The following PIEZO1 variants were observed in gnomAD, a reference collection of about 807,000 sequenced individuals.
The protein encoded by PIEZO1 is piezo-type mechanosensitive ion channel component 1.
Under a neutral mutation model 297.2 loss-of-function variants are expected in PIEZO1, and 296 were observed. That is an observed-to-expected ratio of 1.00 (90% confidence interval 0.91 to 1.10). The LOEUF is 1.10. PIEZO1 is among the 50% of genes least tolerant of loss of function. The pLI, the probability that PIEZO1 is intolerant of heterozygous loss-of-function variation, is 0.00. For synonymous variants in PIEZO1, 2,427 were observed against 1,507.5 expected (o/e 1.61, Z -14.13); for missense variants, 5,018 against 3,455.5 (o/e 1.45, Z -11.34).
chr16:88,743,610 T>C (rs1175505883), intron 2 of PIEZO1: 1 of 456,486 alleles, frequency 2.2e-6, no homozygotes, highest in East Asian at 6.9e-5. Context: ...GCACAAATGG[T>C]GTTAGGTGAC....
At chr16:88,737,035 C>G (rs1905266805) in intron 10 of PIEZO1, 1 of 326,292 alleles carries the variant, frequency 3.1e-6, no homozygotes, top group African/African-American at 2.2e-5. Context: ...ACCCCCACCC[C>G]AGGGCCGTGG....
rs1440661489 is a variant in PIEZO1, at chr16:88,725,519, C to T, written c.4059G>A (p.Gln1353=). The change falls in exon 29 of 51, where the codon CAG becomes CAA. Residue 1353 remains glutamine, a splice_region_variant and synonymous_variant. Transcript: ENST00000301015. ...EEKSLAQLKR[Q]MERIRAKQEK... The stretch of plus-strand genomic sequence containing the variant: ...CCTGCTTGGCACGGATACGCTCCAT[C>T]CTGTGGTGGGGAAAGGTGGGGTATG... 1.3e-6 allele frequency: 2 copies of T among 1,537,958 alleles called. No individual in the cohort carries two copies. Among genetic ancestry groups the T allele is most frequent in the African/African-American group, 1.4e-5 (1 of 72,770 alleles).
Position 88,726,403 on chromosome 16 carries a change from A to C in PIEZO1, c.3849T>G (p.Ala1283=), listed in dbSNP as rs774514886. 3.2e-6 allele frequency: 5 copies of C among 1,550,366 alleles called. No homozygotes were observed. Residue 1283 remains alanine, a synonymous_variant, in exon 27 of 51, where the codon GCT becomes GCG. Transcript: ENST00000301015. ...DQDCLLPVEE[A]GIIWDSVCFF... The stretch of plus-strand genomic sequence containing the variant: ...AGCAGACGCTGTCCCAGATGATGCC[A>C]GCCTCCTCCACAGGCAGCAGGCAGT...
chr16:88,772,947 A>T (rs1907491394), intron 1 of PIEZO1, among the ~76,000 whole-genome samples: 1 of 152,138 alleles, frequency 6.6e-6, no homozygotes, highest in Admixed American at 6.5e-5. Flanking sequence ...CACCCACGGG[A>T]CACGTGAGTG....
At chr16:88,718,798 C>T (rs79311053) in intron 44 of PIEZO1, 15,145 of 153,028 alleles carry the variant, frequency 0.099, 925 homozygotes, top group Non-Finnish European at 0.14. Context: ...GCCCTGTACT[C>T]CTGGCCTCAA....
chr16:88,771,543 G>A (rs1486091840), intron 1 of PIEZO1, among the ~76,000 whole-genome samples: 7 of 152,194 alleles, frequency 4.6e-5, no homozygotes, highest in Non-Finnish European at 1.0e-4. Context: ...GGCCACACAC[G>A]CCCAAGCCTG....
At position 88,716,394 on chromosome 16, in the gene PIEZO1, G is replaced by C; in HGVS notation, c.7016C>G (p.Ala2339Gly). Residue 2339 changes from alanine (A) to glycine (G), a missense_variant, in exon 48 of 51, where the codon GCC becomes GGC. Physicochemically the swap from Ala to Gly is moderately conservative, Grantham distance 60 (BLOSUM62 0). Coordinates refer to ENST00000301015, the MANE Select transcript of PIEZO1 (RefSeq NM_001142864.4). The part of the protein sequence containing the change: ...APNSTARRQL[A>G]SLLEGTSDQS... ...GTCCGAGGTGCCCTCGAGCAGGCTGGCCAGCTGCCGCCGTGCAGTGCTGTT... is the reference window on the plus strand; with the variant it reads ...GTCCGAGGTGCCCTCGAGCAGGCTGCCCAGCTGCCGCCGTGCAGTGCTGTT... 4.5e-6 allele frequency: 7 copies of C among 1,548,022 alleles called. No individual in the cohort carries two copies. Among genetic ancestry groups the C allele is most frequent in the Non-Finnish European group, 6.1e-6 (7 of 1,145,582 alleles).
In PIEZO1 at chr16:88,742,014, G is replaced by T. The variant is rs149605668; in HGVS notation, c.326+39C>A. ...ACTTCCTGGGGCCTGAAATCCCCAAGGGAGGCTTGCTGGTTGGGGGTGGGA... is the reference window on the plus strand; with the variant it reads ...ACTTCCTGGGGCCTGAAATCCCCAATGGAGGCTTGCTGGTTGGGGGTGGGA... On this transcript the variant is annotated intron_variant, in intron 4 of 50. Transcript: ENST00000301015. The T allele has an allele frequency of 5.9e-4, 897 of 1,533,010 alleles. 5 individuals are homozygous for T. The African/African-American group carries it at 8.7e-3, about 15-fold the overall frequency. 95.0% of individuals were successfully genotyped at this position (1,533,010 alleles called of 1,614,324 possible). A position where few individuals can be genotyped will look rare whatever the true frequency, so the allele number is the denominator to read the frequency against.
chr16:88,732,829 C>T (rs2142810957), intron 19 of PIEZO1, 97 bp from the exon 20 acceptor site: 2 of 1,273,496 alleles, frequency 1.6e-6, no homozygotes, highest in East Asian at 2.6e-5. Flanking sequence ...GGCAGGTCCA[C>T]TGCTCCCCAG....
chr16:88,744,595 G>A lies in PIEZO1; in HGVS notation c.161-2173C>T, dbSNP rs566527585. Among the ~76,000 whole-genome samples, 8 of 150,882 alleles carry A rather than the reference G, an allele frequency of 5.3e-5. No individual in the cohort carries two copies. In the South Asian group the frequency reaches 1.7e-3, roughly 32 times the overall value. On this transcript the variant is annotated intron_variant, in intron 2 of 50. Transcript: ENST00000301015. ...CCGCCTTGCCCTGCACGACAGTCCA[G>A]GATGTCCGTCTCTGGCTACATCTCG...
In PIEZO1 at chr16:88,719,953, T is replaced by A; in HGVS notation, c.6172A>T (p.Asn2058Tyr). Residue 2058 changes from asparagine (N) to tyrosine (Y), a missense_variant, in exon 43 of 51, where the codon AAC becomes TAC. Asn to Tyr is a moderately radical substitution (Grantham distance 143). Coordinates refer to ENST00000301015, the MANE Select transcript of PIEZO1 (RefSeq NM_001142864.4). ...CAGAGCTGGGCCACCACATTCTGGTTGAACATCCTGGGGCGGGATGGCCAG... is the reference window on the plus strand; with the variant it reads ...CAGAGCTGGGCCACCACATTCTGGTAGAACATCCTGGGGCGGGATGGCCAG... ...ILPAVTERMF[N>Y]QNVVAQLWYF... 6.5e-7 allele frequency: 1 copy of A among 1,550,234 alleles called. No homozygotes were observed. The highest frequency in any genetic ancestry group is 8.7e-7 in the Non-Finnish European group (1 of 1,146,908).
At position 88,764,268 on chromosome 16, in the gene PIEZO1, C is replaced by T. The variant is rs930517544; in HGVS notation, c.65-14789G>A. Among the ~76,000 whole-genome samples the T allele has an allele frequency of 5.9e-5, 9 of 152,282 alleles. No homozygotes were observed. In the East Asian group the frequency reaches 1.2e-3, roughly 20 times the overall value. On this transcript the variant is annotated intron_variant, in intron 1 of 50. Coordinates refer to ENST00000301015, the MANE Select transcript of PIEZO1 (RefSeq NM_001142864.4). ...CCTCTTGAAGCCCCAGCAGCAAGCA[C>T]GTGGCAATGCCCTCCCGGCGCCCAG...
chr16:88,728,000 G>T (rs933164608), intron 22 of PIEZO1, among the ~76,000 whole-genome samples: 2 of 152,228 alleles, frequency 1.3e-5, no homozygotes, highest in African/African-American at 2.4e-5. Flanking sequence ...ACAACGGCCA[G>T]AAGCTGCACG....
intron 1 of PIEZO1, among the ~76,000 whole-genome samples, chr16:88,778,907 G>A (rs1035087414): frequency 6.6e-5 from 10 of 152,324 alleles, no homozygotes; most frequent in Middle Eastern, 3.4e-3. Context: ...CGTTCCAGCT[G>A]GGAGAGAGAC....
rs568165689 is a variant in PIEZO1 at position 88,762,580 on chromosome 16, G to A, written c.65-13101C>T. Among the ~76,000 whole-genome samples the A allele has an allele frequency of 7.9e-5, 12 of 152,294 alleles. No homozygotes were observed. In the East Asian group the frequency reaches 1.7e-3, roughly 22 times the overall value. ...AAGGGTAGACCCCCAGTGGTGCCAC[G>A]GCCAGAGGGGTTTGCCAGGTCACCC... On this transcript the variant is annotated intron_variant, in intron 1 of 50. Transcript: ENST00000301015.
At chr16:88,771,384 C>T (rs1455030876) in intron 1 of PIEZO1, among the ~76,000 whole-genome samples, 1 of 152,172 alleles carries the variant, frequency 6.6e-6, no homozygotes, top group Non-Finnish European at 1.5e-5. Flanking sequence ...AGGAGTGCGG[C>T]GACAACAAGA....
chr16:88,721,213 C>A lies in PIEZO1; in HGVS notation c.5621G>T (p.Arg1874Ile). The change falls in exon 39 of 51, where the codon AGA becomes ATA. Residue 1874 changes from arginine to isoleucine, a missense_variant. By Grantham distance (97) the Arg-to-Ile change is moderately conservative. Coordinates refer to ENST00000301015, the MANE Select transcript of PIEZO1 (RefSeq NM_001142864.4). ...RDTRRISLRFRRRKKEGPARK... is the reference protein window; with the variant it reads ...RDTRRISLRFIRRKKEGPARK... ...TGCTGGGCCCTCCTTCTTCCTTCTT[C>A]TAAAACGTAGACTGATGCGCCTCGT... The A allele has an allele frequency of 1.3e-6, 2 of 1,530,646 alleles. No homozygotes were observed. The highest frequency in any genetic ancestry group is 1.8e-6 in the Non-Finnish European group (2 of 1,140,336). The allele number at this position is 1,530,646 out of a possible 1,614,324, so 94.8% of individuals were successfully genotyped here.
chr16:88,751,431 G>A (rs1436157237), intron 1 of PIEZO1, among the ~76,000 whole-genome samples: 2 of 152,230 alleles, frequency 1.3e-5, no homozygotes, highest in Non-Finnish European at 2.9e-5. Flanking sequence ...CCCGGAAGCA[G>A]ACACGAAAGA....
chr16:88,725,429 G>A lies in PIEZO1; in HGVS notation c.4149C>T (p.Pro1383=), dbSNP rs548943574. 204 of 1,460,592 alleles carry A rather than the reference G, an allele frequency of 1.4e-4. No homozygotes were observed. The highest frequency in any genetic ancestry group is 1.7e-4 in the Non-Finnish European group (188 of 1,105,380). 90.5% of individuals were successfully genotyped at this position (1,460,592 alleles called of 1,614,324 possible). A position where few individuals can be genotyped will look rare whatever the true frequency, so the allele number is the denominator to read the frequency against. Residue 1383 remains proline (P), a synonymous_variant, in exon 29 of 51, where the codon CCC becomes CCT. Coordinates refer to ENST00000301015, the MANE Select transcript of PIEZO1 (RefSeq NM_001142864.4). ...RPQDTLGPKD[P]GLEPGPDSPG... ...AGCTGCACTCACCTGGCTCCAGGCC[G>A]GGGTCCTTGGGGCCCAGGGTGTCCT...
Sources: allele counts gnomAD v4.1 joint callset (sites outside exome capture counted in the v4.1 genomes callset), GRCh38; gene constraint gnomAD v4.1.1; transcripts MANE v1.5; gene names NCBI Gene and HGNC (gene_info 2026-07-23, HGNC 2026-07-21).